Variants in CSMD1 observed in about 807,000 individuals in gnomAD.
The protein encoded by CSMD1 is CUB and sushi domain-containing protein 1.
A neutral mutation model predicts 417.5 loss-of-function variants in CSMD1; 213 were observed. The ratio of observed to expected loss-of-function variants is 0.51; its 90% CI spans 0.46 to 0.57. The LOEUF is 0.57. CSMD1 is among the 20% of genes least tolerant of loss of function. The probability of loss-of-function intolerance (pLI) is 0.00; values close to 1 mark genes in which losing one functional copy is unlikely to be tolerated. For missense variants in CSMD1, 6,923 were observed against 4,529.7 expected, an observed-to-expected ratio of 1.53 and a Z score of -15.17; for synonymous variants, 2,862 against 1,736.8, an observed-to-expected ratio of 1.65 and a Z score of -16.11.
intron 3 of CSMD1, among the ~76,000 whole-genome samples, chr8:4,192,220 T>C (rs369632700): frequency 9.2e-5 from 14 of 152,140 alleles, no homozygotes; most frequent in South Asian, 4.1e-4. Context: ...GCAAAGATGA[T>C]TGAATGTTAA....
At chr8:3,539,386 A>G (rs1798344447) in intron 10 of CSMD1, among the ~76,000 whole-genome samples, 1 of 152,064 alleles carries the variant, frequency 6.6e-6, no homozygotes, top group South Asian at 2.1e-4. Flanking sequence ...AAGTATATAC[A>G]TATTATTTGT....
intron 3 of CSMD1, among the ~76,000 whole-genome samples, chr8:4,113,552 G>A (rs10101949): frequency 6.6e-6 from 1 of 151,778 alleles, no homozygotes; most frequent in Non-Finnish European, 1.5e-5. Context: ...TTACAGGCAC[G>A]TGCCAGCACA....
intron 3 of CSMD1, among the ~76,000 whole-genome samples, chr8:4,093,376 C>G (rs13340602): frequency 0.21 from 32,575 of 151,842 alleles, 4,232 homozygotes; most frequent in African/African-American, 0.36. Flanking sequence ...TTATATTTAA[C>G]GTGATATTTA....
chr8:4,420,753 G>A (rs915505572), intron 2 of CSMD1, among the ~76,000 whole-genome samples: 1 of 152,138 alleles, frequency 6.6e-6, no homozygotes, highest in Non-Finnish European at 1.5e-5. Context: ...GCAAACCAAT[G>A]CTGACACAGC....
intron 26 of CSMD1, among the ~76,000 whole-genome samples, chr8:3,261,331 C>T (rs185409313): frequency 3.2e-4 from 49 of 152,240 alleles, no homozygotes; most frequent in Non-Finnish European, 5.9e-4. Context: ...ACATTCAATT[C>T]TGCAATTGCA....
At chr8:3,133,917 G>C (rs781118805) in intron 41 of CSMD1, among the ~76,000 whole-genome samples, 1 of 152,196 alleles carries the variant, frequency 6.6e-6, no homozygotes, top group Non-Finnish European at 1.5e-5. Flanking sequence ...GCTCACGCCT[G>C]TAATCTCAGC....
intron 3 of CSMD1, among the ~76,000 whole-genome samples, chr8:4,179,745 A>T (rs1202105651): frequency 8.9e-5 from 1 of 11,204 alleles, no homozygotes; most frequent in South Asian, 7.4e-3. Context: ...AAAAACAAAC[A>T]ACCCCATCAA....
In CSMD1 at chr8:3,850,650, G is replaced by A. The variant is rs377706419; in HGVS notation, c.819-96608C>T. On this transcript the variant is annotated intron_variant, in intron 5 of 69. Coordinates refer to ENST00000635120, the MANE Select transcript of CSMD1 (RefSeq NM_033225.6). ...GCGGAGGTTGAGGTGAGCCAAGATC[G>A]CACCACTGCACTCCAGCCTGGGTGA... Among the ~76,000 whole-genome samples the A allele has an allele frequency of 4.5e-4, 68 of 152,150 alleles. 2 individuals carry two copies. Among genetic ancestry groups the A allele is most frequent in the Middle Eastern group, 3.4e-3 (1 of 294 alleles).
At chr8:4,098,145 C>G (rs1035488352) in intron 3 of CSMD1, among the ~76,000 whole-genome samples, 1 of 152,056 alleles carries the variant, frequency 6.6e-6, no homozygotes, top group East Asian at 1.9e-4. Context: ...ATATAAAACC[C>G]TTGTAAATTA....
rs775770404 is a variant in CSMD1, at chr8:3,881,681, A to C, written c.818+116222T>G. Among the ~76,000 whole-genome samples, 4 of 152,046 alleles carry C rather than the reference A, an allele frequency of 2.6e-5. No homozygotes were observed. In the East Asian group the frequency reaches 7.7e-4, roughly 29 times the overall value. ...ACAACAACAAAAGAAAACAAAAAAA[A>C]ACAATTTGGAAAAAAAGAGAAAAGC... On this transcript the variant is annotated intron_variant, in intron 5 of 69. Transcript: ENST00000635120.
At chr8:3,505,511 G>A (rs575525289) in intron 10 of CSMD1, among the ~76,000 whole-genome samples, 19 of 152,186 alleles carry the variant, frequency 1.2e-4, no homozygotes, top group Middle Eastern at 3.4e-3. Context: ...TATGGCCCCT[G>A]TAAATGAAAT....
At chr8:3,741,896 G>C (rs1051856782) in intron 6 of CSMD1, among the ~76,000 whole-genome samples, 2 of 151,922 alleles carry the variant, frequency 1.3e-5, no homozygotes, top group Non-Finnish European at 2.9e-5. Flanking sequence ...TACCATGTGA[G>C]TCATATTCTG....
At position 4,504,463 on chromosome 8, in the gene CSMD1, A is replaced by C. The variant is rs139806165; in HGVS notation, c.303-84398T>G. Among the ~76,000 whole-genome samples, 424 of 152,288 alleles carry C rather than the reference A, an allele frequency of 2.8e-3. 2 individuals are homozygous for C. The highest frequency in any genetic ancestry group is 9.8e-3 in the African/African-American group (406 of 41,562). On this transcript the variant is annotated intron_variant, in intron 2 of 69. Transcript: ENST00000635120. ...ACTTACAAGTTTGTTAAGAAAGTAG[A>C]TCTCATGTGAAGTGTTCTTTATTTA...
chr8:3,143,782 C>G (rs1585466034), intron 40 of CSMD1, among the ~76,000 whole-genome samples: 2 of 152,032 alleles, frequency 1.3e-5, no homozygotes, highest in East Asian at 3.9e-4. Flanking sequence ...AATATATTTC[C>G]TAGATTGGGA....
At chr8:4,800,048 T>G (rs1365279876) in intron 1 of CSMD1, among the ~76,000 whole-genome samples, 1 of 152,218 alleles carries the variant, frequency 6.6e-6, no homozygotes, top group Non-Finnish European at 1.5e-5. Flanking sequence ...CTGTTACTAT[T>G]ACACCAAAAA....
chr8:4,033,200 G>C (rs1458773370), intron 3 of CSMD1, among the ~76,000 whole-genome samples: 1 of 150,816 alleles, frequency 6.6e-6, no homozygotes, highest in Non-Finnish European at 1.5e-5. Flanking sequence ...CAGCACTTTG[G>C]GAGGCCGAGG....
At chr8:3,693,583 C>T (rs1800373074) in intron 7 of CSMD1, among the ~76,000 whole-genome samples, 1 of 152,086 alleles carries the variant, frequency 6.6e-6, no homozygotes, top group South Asian at 2.1e-4. Flanking sequence ...GTGAATAGAA[C>T]ACTAAAATCC....
In CSMD1 at chr8:4,651,425, T is replaced by C. The variant is rs1007146817; in HGVS notation, c.86-13867A>G. On this transcript the variant is annotated intron_variant, in intron 1 of 69. Coordinates refer to ENST00000635120, the MANE Select transcript of CSMD1 (RefSeq NM_033225.6). Reference sequence around the variant, plus strand: ...TTCTCGGGTCTTCAGCTGGCATCATTTCTAATTTTTTGCACTGTAGCTTGA... The same window carrying C: ...TTCTCGGGTCTTCAGCTGGCATCATCTCTAATTTTTTGCACTGTAGCTTGA... 6.6e-4 allele frequency among the ~76,000 whole-genome samples: 100 copies of C among 152,294 alleles called. 1 individual carries two copies. The highest frequency in any genetic ancestry group is 2.4e-3 in the African/African-American group (99 of 41,570).
chr8:4,448,257 G>C (rs11776192), intron 2 of CSMD1, among the ~76,000 whole-genome samples: 16,217 of 152,200 alleles, frequency 0.11, 1,324 homozygotes, highest in East Asian at 0.38. Flanking sequence ...AGCCCATTTA[G>C]CAAAGCATTT....
Sources: allele counts gnomAD v4.1 joint callset (sites outside exome capture counted in the v4.1 genomes callset), GRCh38; gene constraint gnomAD v4.1.1; transcripts MANE v1.5; gene names NCBI Gene and HGNC (gene_info 2026-07-23, HGNC 2026-07-21).